Variants in TESPA1 observed in about 807,000 individuals in gnomAD.
TESPA1 encodes thymocyte expressed, positive selection associated 1.
Under a neutral mutation model 57.9 loss-of-function variants are expected in TESPA1, and 33 were observed. That is an observed-to-expected ratio of 0.57 (90% CI 0.43 to 0.76). The LOEUF (loss-of-function observed/expected upper bound fraction) is 0.76, where lower values mean the gene tolerates loss of function less well. TESPA1 is among the 30% of genes least tolerant of loss of function. TESPA1 has a pLI of 0.00. For synonymous variants in TESPA1, 227 were observed against 228.9 expected, an observed-to-expected ratio of 0.99 and a Z score of 0.07; for missense variants, 618 against 632.9, an observed-to-expected ratio of 0.98 and a Z score of 0.25.
At chr12:54,953,522 C>CTTTTTTTTTTTTTTTTTTTTTTTTTT in intron 10 of TESPA1, among the ~76,000 whole-genome samples, 1 of 135,364 alleles carries the variant, frequency 7.4e-6, no homozygotes, top group Non-Finnish European at 1.5e-5. Context: ...TTTTTATTTA[C>CTTTTTTTTTTTTTTTTTTTTTTTTTT]TTTTTTTTTT....
At chr12:54,959,518 TG>T (rs745486612) in intron 10 of TESPA1, among the ~76,000 whole-genome samples, 7 of 152,226 alleles carry the variant, frequency 4.6e-5, no homozygotes, top group Non-Finnish European at 1.0e-4. Context: ...TCCCAATGAC[TG>T]GGTCTCCCTA....
intron 1 of TESPA1, among the ~76,000 whole-genome samples, chr12:54,976,215 C>T (rs1952130109): frequency 6.6e-6 from 1 of 152,136 alleles, no homozygotes; most frequent in Non-Finnish European, 1.5e-5. Context: ...ACTTGGAAGA[C>T]TTACCCTGGT....
chr12:54,981,886 A>T (rs919444621), intron 1 of TESPA1: 1 of 152,254 alleles, frequency 6.6e-6, no homozygotes, highest in African/African-American at 2.4e-5. Context: ...TCTAGGGGAC[A>T]TGTATGAGAC....
chr12:54,976,594 T>A (rs1952147172), intron 1 of TESPA1, among the ~76,000 whole-genome samples: 1 of 152,154 alleles, frequency 6.6e-6, no homozygotes, highest in Admixed American at 6.5e-5. Flanking sequence ...TTTCATACTT[T>A]ATTCTGCCAC....
At chr12:54,961,535 A>G (rs529439536) in intron 9 of TESPA1, among the ~76,000 whole-genome samples, 1 of 152,376 alleles carries the variant, frequency 6.6e-6, no homozygotes, top group South Asian at 2.1e-4. Context: ...AAGAGATCCC[A>G]ACACTTCATG....
chr12:54,953,171 T>A (rs1033203380), intron 10 of TESPA1, among the ~76,000 whole-genome samples: 5 of 152,180 alleles, frequency 3.3e-5, no homozygotes, highest in Non-Finnish European at 5.9e-5. Flanking sequence ...AAAAGACAAA[T>A]CTAATCACAT....
chr12:54,963,256 T>A lies in TESPA1; in HGVS notation c.656-14A>T. ...GCTTAAACCTGCCTGGGTACAAGAG[T>A]TAAAGATGGTAAGTCTGGGGTTCAT... is the stretch of plus-strand genomic sequence containing the variant. On this transcript the variant is annotated splice_polypyrimidine_tract_variant and intron_variant, in intron 8 of 10. Transcript: ENST00000449076. 1.3e-6 allele frequency: 2 copies of A among 1,596,722 alleles called. No homozygotes were observed. Among genetic ancestry groups the A allele is most frequent in the East Asian group, 2.3e-5 (1 of 44,320 alleles).
chr12:54,958,924 G>C (rs1388554176), intron 10 of TESPA1, among the ~76,000 whole-genome samples: 4 of 152,060 alleles, frequency 2.6e-5, no homozygotes, highest in East Asian at 1.9e-4. Context: ...TTATCCATTA[G>C]AGCCCTTATC....
intron 3 of TESPA1, among the ~76,000 whole-genome samples, chr12:54,969,055 G>GAGTAGA (rs1565859536): frequency 7.7e-6 from 1 of 129,832 alleles, no homozygotes; most frequent in African/African-American, 2.9e-5. Flanking sequence ...ATGTGTGTGT[G>GAGTAGA]TAGATAGATA....
intron 1 of TESPA1, among the ~76,000 whole-genome samples, chr12:54,978,294 G>T (rs1712084895): frequency 6.6e-6 from 1 of 152,124 alleles, no homozygotes; most frequent in Admixed American, 6.5e-5. Context: ...TTTCTGACTT[G>T]TCCAATTAAT....
chr12:54,979,875 AG>A (rs1410582595), intron 1 of TESPA1, among the ~76,000 whole-genome samples: 7 of 152,222 alleles, frequency 4.6e-5, no homozygotes, highest in Non-Finnish European at 8.8e-5. Flanking sequence ...AGTCAAAGGT[AG>A]GTAGTCATAA....
At chr12:54,960,886 C>A (rs1357642792) in intron 10 of TESPA1, among the ~76,000 whole-genome samples, 4 of 152,172 alleles carry the variant, frequency 2.6e-5, no homozygotes, top group African/African-American at 7.2e-5. Flanking sequence ...CAGGCCAATT[C>A]AATCAGACAC....
intron 10 of TESPA1, among the ~76,000 whole-genome samples, chr12:54,956,445 T>G (rs537744262): frequency 6.6e-6 from 1 of 152,078 alleles, no homozygotes; most frequent in African/African-American, 2.4e-5. Context: ...CGCTTATAAG[T>G]GTGATAAAGG....
chr12:54,965,019 A>G (rs1039494063), intron 7 of TESPA1, among the ~76,000 whole-genome samples: 6 of 152,194 alleles, frequency 3.9e-5, no homozygotes, highest in Non-Finnish European at 8.8e-5. Context: ...CCAGGTCTCA[A>G]ATTCAAATTT....
intron 10 of TESPA1, among the ~76,000 whole-genome samples, chr12:54,954,738 A>G (rs763883388): frequency 5.0e-5 from 5 of 100,588 alleles, no homozygotes; most frequent in Non-Finnish European, 5.2e-5. Context: ...CCACAGGATT[A>G]TCCATGCCAT....
At chr12:54,953,762 T>C (rs60142886) in intron 10 of TESPA1, among the ~76,000 whole-genome samples, 31,093 of 151,906 alleles carry the variant, frequency 0.2, 5,422 homozygotes, top group East Asian at 0.84. Context: ...CCTCGTGATC[T>C]GCCCGCCTCG....
At chr12:54,965,208 C>T (rs1033776413) in intron 7 of TESPA1, among the ~76,000 whole-genome samples, 23 of 151,962 alleles carry the variant, frequency 1.5e-4, no homozygotes, top group African/African-American at 5.3e-4. Context: ...GTTTTAAGTT[C>T]TGGGGTACAT....
intron 3 of TESPA1, among the ~76,000 whole-genome samples, chr12:54,968,417 A>G (rs1951587615): frequency 6.6e-6 from 1 of 152,202 alleles, no homozygotes; most frequent in Admixed American, 6.5e-5. Flanking sequence ...ATATTTTAAA[A>G]TTTTCAGACA....
rs937540387 is a variant in TESPA1, at chr12:54,948,287, C to T, written c.*2105G>A. The T allele has an allele frequency of 5.1e-5, 9 of 178,014 alleles. No homozygotes were observed. The highest frequency in any genetic ancestry group is 5.8e-5 in the Non-Finnish European group (5 of 86,458). The allele number at this position is 178,014 out of a possible 1,614,324, so 11.0% of individuals were successfully genotyped here. A position where few individuals can be genotyped will look rare whatever the true frequency, so the allele number is the denominator to read the frequency against. ...CATTTTCACTTCTTTTGTGATTCTC[C>T]ACTTGCTTCAGGCCATCTGGATGTA... On this transcript the variant is annotated 3_prime_UTR_variant, in exon 11 of 11. Transcript: ENST00000449076.
Sources: gnomAD v4.1 joint callset for allele counts (sites outside exome capture counted in the v4.1 genomes callset) on GRCh38, gnomAD v4.1.1 for gene constraint, MANE v1.5 for transcripts, NCBI Gene and HGNC (gene_info 2026-07-23, HGNC 2026-07-21) for gene names.